Variants in THNSL1 observed in about 807,000 individuals in gnomAD.
THNSL1 encodes the protein threonine synthase like 1.
A neutral mutation model predicts 50.4 loss-of-function variants in THNSL1; 48 were observed. The ratio of observed to expected loss-of-function variants is 0.95; its 90% CI spans 0.76 to 1.21. The LOEUF is 1.21. Among genes scored for constraint, THNSL1 ranks in the 50% most tolerant of loss-of-function variants. The probability of loss-of-function intolerance (pLI) is 0.00; values close to 1 mark genes in which losing one functional copy is unlikely to be tolerated. For synonymous variants in THNSL1, 309 were observed against 306.1 expected, an observed-to-expected ratio of 1.01 and a Z score of -0.10; for missense variants, 896 against 871.7, an observed-to-expected ratio of 1.03 and a Z score of -0.35.
the THNSL1 span, among the ~76,000 whole-genome samples, chr10:24,990,846 C>G: frequency 6.6e-6 from 1 of 152,012 alleles, no homozygotes; most frequent in South Asian, 2.1e-4. Flanking sequence ...GTAATCCCAG[C>G]ACTTTGGGAG....
the THNSL1 span, among the ~76,000 whole-genome samples, chr10:24,954,033 G>C: frequency 6.6e-6 from 1 of 152,180 alleles, no homozygotes; most frequent in African/African-American, 2.4e-5. Flanking sequence ...AATTGTGAGA[G>C]GGCGTTGTTT....
chr10:24,952,564 G>C, the THNSL1 span: 3 of 1,592,106 alleles, frequency 1.9e-6, no homozygotes, highest in Middle Eastern at 1.7e-4. The surrounding 1 kb of genome is among the most constrained non-coding windows in gnomAD (Gnocchi z 5.1). Context: ...CCTCCTCGCT[G>C]CTCCCGGCCA....
rs762809982 is a variant in THNSL1, at chr10:25,025,139, T to C, written c.1916T>C (p.Leu639Ser). 22 of 1,614,002 alleles carry C rather than the reference T, an allele frequency of 1.4e-5. No homozygotes were observed. In the Middle Eastern group the frequency reaches 8.2e-4, roughly 60 times the overall value. The change falls in exon 3 of 3, where the codon TTG becomes TCG. Residue 639 changes from leucine to serine, a missense_variant. Physicochemically the swap from Leu to Ser is moderately radical, Grantham distance 145. Coordinates refer to ENST00000376356, the MANE Select transcript of THNSL1 (RefSeq NM_024838.5). ...ACCTATAATACTTCAGGGTATATTT[T>C]GGATCCACACACTGCTGTTGCAAAA... ...NSTYNTSGYI[L>S]DPHTAVAKVV...
upstream of THNSL1, among the ~76,000 whole-genome samples, chr10:25,015,074 C>T (rs569306172): frequency 6.6e-6 from 1 of 152,298 alleles, no homozygotes; most frequent in Admixed American, 6.5e-5. Flanking sequence ...AGACAGGAAA[C>T]ATTTCAAGTC....
Position 25,025,364 on chromosome 10 carries a change from A to G in THNSL1, c.2141A>G (p.Gln714Arg). The change falls in exon 3 of 3, where the codon CAG (glutamine) becomes CGG (arginine). Residue 714 changes from glutamine (Q) to arginine (R), a missense_variant. Transcript: ENST00000376356. ...GAGGCTTTATTAGAGAGAACAAAAC[A>G]GCAAGAGAAGATGGAGTACCAGGTC... ...LHEALLERTKQQEKMEYQVCA... is the reference protein window; with the variant it reads ...LHEALLERTKRQEKMEYQVCA... The G allele has an allele frequency of 1.9e-6, 3 of 1,614,240 alleles. No homozygotes were observed. Among genetic ancestry groups the G allele is most frequent in the Non-Finnish European group, 2.5e-6 (3 of 1,180,050 alleles).
chr10:24,986,315 G>A, the THNSL1 span, among the ~76,000 whole-genome samples: 10 of 152,328 alleles, frequency 6.6e-5, no homozygotes, highest in East Asian at 1.9e-3. Context: ...CTGTATAGAA[G>A]AGGTTGGTTG....
At chr10:24,953,725 C>G in the THNSL1 span, among the ~76,000 whole-genome samples, 1 of 152,182 alleles carries the variant, frequency 6.6e-6, no homozygotes, top group African/African-American at 2.4e-5. Flanking sequence ...ATGCAGGCGT[C>G]TTTTGTTCAT....
chr10:25,013,220 CTT>C (rs1850491044), upstream of THNSL1, among the ~76,000 whole-genome samples: 1 of 152,058 alleles, frequency 6.6e-6, no homozygotes, highest in Non-Finnish European at 1.5e-5. Context: ...TCGAGTATGT[CTT>C]TATTAGCAGC....
chr10:24,954,785 C>T, the THNSL1 span, among the ~76,000 whole-genome samples: 11 of 152,218 alleles, frequency 7.2e-5, no homozygotes, highest in East Asian at 1.3e-3. Flanking sequence ...GATTACACTT[C>T]GATACTTTGG....
chr10:25,009,807 C>A, the THNSL1 span, among the ~76,000 whole-genome samples: 1 of 152,094 alleles, frequency 6.6e-6, no homozygotes, highest in Non-Finnish European at 1.5e-5. Flanking sequence ...CCCCTGCACA[C>A]ACTCTCGTTT....
Position 25,024,814 on chromosome 10 carries a change from A to G in THNSL1, c.1591A>G (p.Ile531Val), listed in dbSNP as rs767059147. The stretch of plus-strand genomic sequence containing the variant: ...GATGGGAATCCCGATTCGAAAATTT[A>G]TCTGTGCCTCTAATCAGAACCATGT... Reference protein sequence around the residue: ...KMMGIPIRKFICASNQNHVLT... With the variant: ...KMMGIPIRKFVCASNQNHVLT... Residue 531 changes from isoleucine to valine, a missense_variant, in exon 3 of 3, where the codon ATC becomes GTC. Physicochemically the swap from Ile to Val is conservative, Grantham distance 29. Coordinates refer to ENST00000376356, the MANE Select transcript of THNSL1 (RefSeq NM_024838.5). 2 of 1,614,082 alleles carry G rather than the reference A, an allele frequency of 1.2e-6. No individual in the cohort carries two copies. The highest frequency in any genetic ancestry group is 1.7e-6 in the Non-Finnish European group (2 of 1,180,032).
rs776129963 is a variant in THNSL1 at position 25,024,015 on chromosome 10, C to T, written c.792C>T (p.Gly264=). 6.2e-7 allele frequency: 1 copy of T among 1,614,086 alleles called. No individual in the cohort carries two copies. Among genetic ancestry groups the T allele is most frequent in the Non-Finnish European group, 8.5e-7 (1 of 1,180,032 alleles). ...AVIEGLASDG[G]LFVPAKEFPK... is the part of the protein sequence containing the mutation. Reference sequence around the variant, plus strand: ...TTGAGGGGTTGGCTTCTGATGGTGGCCTCTTTGTTCCTGCAAAGGAGTTTC... The same window carrying T: ...TTGAGGGGTTGGCTTCTGATGGTGGTCTCTTTGTTCCTGCAAAGGAGTTTC... Residue 264 remains glycine (G), a synonymous_variant, in exon 3 of 3, where the codon GGC becomes GGT. Coordinates refer to ENST00000376356, the MANE Select transcript of THNSL1 (RefSeq NM_024838.5).
rs1850839747 is a variant in THNSL1, at chr10:25,025,808, C to G, written c.*353C>G. 5.0e-6 allele frequency: 1 copy of G among 201,614 alleles called. No homozygotes were observed. The highest frequency in any genetic ancestry group is 2.4e-5 in the African/African-American group (1 of 42,436). The allele number at this position is 201,614 out of a possible 1,614,324, so 12.5% of individuals were successfully genotyped here. ...AATATTTAAGCCCAGTTTTCAGGTA[C>G]TACATCTGTAACTAGTGAATACTCT... On this transcript the variant is annotated 3_prime_UTR_variant, in exon 3 of 3. Coordinates refer to ENST00000376356, the MANE Select transcript of THNSL1 (RefSeq NM_024838.5).
intron 2 of THNSL1, among the ~76,000 whole-genome samples, chr10:25,022,908 T>G (rs1241431319): frequency 6.6e-6 from 1 of 152,140 alleles, no homozygotes; most frequent in Non-Finnish European, 1.5e-5. Flanking sequence ...TGAATACAAG[T>G]TTCTGTTTTT....
chr10:24,998,575 G>T, the THNSL1 span, among the ~76,000 whole-genome samples: 30 of 151,930 alleles, frequency 2.0e-4, no homozygotes, highest in African/African-American at 7.0e-4. Flanking sequence ...TACGGACGGG[G>T]TCTTGCTTTG....
chr10:25,020,861 AC>A (rs1363885065), intron 1 of THNSL1, among the ~76,000 whole-genome samples: 1 of 152,228 alleles, frequency 6.6e-6, no homozygotes, highest in African/African-American at 2.4e-5. Flanking sequence ...CTGTAATGTT[AC>A]AAGCAAAAGC....
Position 25,024,200 on chromosome 10 carries a change from A to C in THNSL1, c.977A>C (p.Lys326Thr). Residue 326 changes from lysine to threonine, a missense_variant, in exon 3 of 3, where the codon AAA becomes ACA. Transcript: ENST00000376356. ...TAYGENFACSKIAPVRHLSGN... is the reference protein window; with the variant it reads ...TAYGENFACSTIAPVRHLSGN... ...TATGGGGAAAACTTTGCCTGCTCAAAAATTGCTCCTGTCAGGCACCTTTCA... is the reference window on the plus strand; with the variant it reads ...TATGGGGAAAACTTTGCCTGCTCAACAATTGCTCCTGTCAGGCACCTTTCA... The C allele has an allele frequency of 4.3e-6, 7 of 1,614,220 alleles. No individual in the cohort carries two copies. Among genetic ancestry groups the C allele is most frequent in the Non-Finnish European group, 5.9e-6 (7 of 1,180,034 alleles).
chr10:25,011,494 A>G, the THNSL1 span, among the ~76,000 whole-genome samples: 1 of 152,192 alleles, frequency 6.6e-6, no homozygotes, highest in Non-Finnish European at 1.5e-5. Context: ...AGGATTCCCT[A>G]TTTAATAAAT....
At chr10:24,966,859 T>C in the THNSL1 span, among the ~76,000 whole-genome samples, 2 of 152,204 alleles carry the variant, frequency 1.3e-5, no homozygotes, top group African/African-American at 4.8e-5. Context: ...ACTGAGTTAA[T>C]TTAGATTAAG....
Sources: allele counts gnomAD v4.1 joint callset (sites outside exome capture counted in the v4.1 genomes callset), GRCh38; gene constraint gnomAD v4.1.1; non-coding constraint Gnocchi (gnomAD v3.1); transcripts MANE v1.5; gene names NCBI Gene and HGNC (gene_info 2026-07-23, HGNC 2026-07-21).